The following STXBP5L variants were observed in gnomAD, a reference collection of about 807,000 sequenced individuals.
STXBP5L encodes syntaxin-binding protein 5-like.
Under a neutral mutation model 144.5 loss-of-function variants are expected in STXBP5L, and 65 were observed. The observed-to-expected ratio is 0.45, with a 90% CI of 0.37 to 0.55. The LOEUF (loss-of-function observed/expected upper bound fraction) is 0.55. STXBP5L is among the 20% of genes least tolerant of loss of function. The pLI is 0.00. For missense variants in STXBP5L, 1,298 were observed against 1,405.5 expected (o/e 0.92, Z 1.22); for synonymous variants, 505 against 469.6 (o/e 1.08, Z -0.97).
At chr3:121,229,761 C>T (rs1201902604) in intron 11 of STXBP5L, among the ~76,000 whole-genome samples, 1 of 151,898 alleles carries the variant, frequency 6.6e-6, no homozygotes, top group East Asian at 1.9e-4. Context: ...GCCTTGTTAC[C>T]CAGGGTGGTC....
At chr3:121,342,049 T>A (rs188853269) in intron 20 of STXBP5L, among the ~76,000 whole-genome samples, 9 of 152,154 alleles carry the variant, frequency 5.9e-5, no homozygotes, top group Admixed American at 3.9e-4. Context: ...ATATCACATT[T>A]ACCCTGATTA....
chr3:120,976,046 G>A (rs141878373), intron 3 of STXBP5L, among the ~76,000 whole-genome samples: 2,467 of 152,208 alleles, frequency 0.016, 63 homozygotes, highest in African/African-American at 0.056. Context: ...GTATCAGGAT[G>A]ATGCTGGCCT....
chr3:120,981,094 C>T (rs1460057647), intron 3 of STXBP5L, among the ~76,000 whole-genome samples: 1 of 152,038 alleles, frequency 6.6e-6, no homozygotes, highest in Non-Finnish European at 1.5e-5. Context: ...ATGGTATTTC[C>T]TTCATAGCTG....
intron 10 of STXBP5L, among the ~76,000 whole-genome samples, chr3:121,220,979 C>T (rs2048955117): frequency 6.6e-6 from 1 of 151,898 alleles, no homozygotes; most frequent in Non-Finnish European, 1.5e-5. Flanking sequence ...CTATTTATTA[C>T]TAGAGGCAAT....
intron 5 of STXBP5L, among the ~76,000 whole-genome samples, chr3:121,107,550 T>C (rs1047079113): frequency 1.3e-5 from 2 of 152,106 alleles, no homozygotes; most frequent in Admixed American, 1.3e-4. Flanking sequence ...ATTTCTGAGA[T>C]CTATATTCTG....
intron 9 of STXBP5L, among the ~76,000 whole-genome samples, chr3:121,190,713 C>CTGGG (rs1209615607): frequency 2.6e-5 from 4 of 151,386 alleles, no homozygotes; most frequent in African/African-American, 4.9e-5. Context: ...GGGCGGCTGG[C>CTGGG]CGGGCGGGGG....
chr3:121,026,920 C>T (rs1283613270), intron 3 of STXBP5L, among the ~76,000 whole-genome samples: 1 of 151,800 alleles, frequency 6.6e-6, no homozygotes, highest in African/African-American at 2.4e-5. Flanking sequence ...GCCCTCACTT[C>T]CATAAGTTTC....
At chr3:121,187,994 A>G (rs2047471874) in intron 9 of STXBP5L, among the ~76,000 whole-genome samples, 1 of 152,146 alleles carries the variant, frequency 6.6e-6, no homozygotes, top group South Asian at 2.1e-4. Flanking sequence ...AACTATCTTA[A>G]ATATATATGC....
intron 5 of STXBP5L, among the ~76,000 whole-genome samples, chr3:121,097,544 A>G (rs762551653): frequency 1.2e-4 from 18 of 152,082 alleles, no homozygotes; most frequent in Non-Finnish European, 2.2e-4. Context: ...TCAGTCCCTC[A>G]TGGCTTCCCT....
chr3:120,960,456 A>G (rs1043851705), intron 3 of STXBP5L, among the ~76,000 whole-genome samples: 1 of 152,246 alleles, frequency 6.6e-6, no homozygotes, highest in Non-Finnish European at 1.5e-5. Flanking sequence ...AAACACATGC[A>G]CACGTATGTT....
chr3:120,936,640 C>T (rs1455685954), intron 2 of STXBP5L, among the ~76,000 whole-genome samples: 2 of 151,504 alleles, frequency 1.3e-5, no homozygotes, highest in South Asian at 4.2e-4. Context: ...GACAGAGTCT[C>T]GCTCTGTCTC....
intron 3 of STXBP5L, among the ~76,000 whole-genome samples, chr3:121,015,578 T>G (rs1306122722): frequency 6.6e-6 from 1 of 152,198 alleles, no homozygotes; most frequent in African/African-American, 2.4e-5. Context: ...TACTGAAATG[T>G]TCGGGAACCC....
chr3:121,351,188 T>C (rs1466315176), intron 20 of STXBP5L, among the ~76,000 whole-genome samples: 1 of 152,188 alleles, frequency 6.6e-6, no homozygotes, highest in Non-Finnish European at 1.5e-5. Flanking sequence ...GTCAGGACCC[T>C]CAGCTGCAGG....
At chr3:121,079,574 T>C (rs1388504159) in intron 5 of STXBP5L, among the ~76,000 whole-genome samples, 3 of 152,262 alleles carry the variant, frequency 2.0e-5, no homozygotes, top group African/African-American at 7.2e-5. Context: ...TATTAATTCC[T>C]TCTTCAAACC....
At chr3:121,253,147 C>A (rs973211282) in intron 15 of STXBP5L, among the ~76,000 whole-genome samples, 34 of 151,922 alleles carry the variant, frequency 2.2e-4, no homozygotes, top group Admixed American at 2.0e-3. Flanking sequence ...AGGAATGATA[C>A]CCTATCTGAC....
At chr3:121,168,807 A>G (rs1184704961) in intron 9 of STXBP5L, among the ~76,000 whole-genome samples, 2 of 152,114 alleles carry the variant, frequency 1.3e-5, no homozygotes, top group Admixed American at 6.5e-5. Flanking sequence ...TCTAGCAAGG[A>G]AGGCCAACAT....
chr3:121,166,782 T>C (rs1335096257), intron 9 of STXBP5L, among the ~76,000 whole-genome samples: 1 of 152,208 alleles, frequency 6.6e-6, no homozygotes, highest in African/African-American at 2.4e-5. Context: ...GAGAGTCTTC[T>C]CTTGCTTCTC....
intron 19 of STXBP5L, among the ~76,000 whole-genome samples, chr3:121,287,471 C>G (rs1274452476): frequency 6.6e-6 from 1 of 152,054 alleles, no homozygotes; most frequent in African/African-American, 2.4e-5. Context: ...TTTAAAATTA[C>G]CATTTACAAT....
chr3:121,037,484 G>T (rs1398695019), intron 3 of STXBP5L, among the ~76,000 whole-genome samples: 3 of 151,816 alleles, frequency 2.0e-5, no homozygotes, highest in African/African-American at 7.3e-5. Context: ...TTGAAATCCT[G>T]GCCTCAAATG....
Sources: gnomAD v4.1 joint callset for allele counts (sites outside exome capture counted in the v4.1 genomes callset) on GRCh38, gnomAD v4.1.1 for gene constraint, MANE v1.5 for transcripts, NCBI Gene and HGNC (gene_info 2026-07-23, HGNC 2026-07-21) for gene names.